The following CAST variants were observed in gnomAD, a reference collection of about 807,000 sequenced individuals.
CAST encodes the protein MIR583 host.
CAST carries 76 observed loss-of-function variants against 119.6 expected under a neutral mutation model. The observed-to-expected ratio is 0.64, with a 90% CI of 0.53 to 0.77. The LOEUF (loss-of-function observed/expected upper bound fraction) is 0.77, where lower values mean the gene tolerates loss of function less well. Ranked by LOEUF, CAST falls within the 30% of genes least tolerant of loss-of-function variation. The pLI is 0.00. For missense variants in CAST, 953 were observed against 946.5 expected (o/e 1.01, Z -0.09); for synonymous variants, 319 against 331.6 (o/e 0.96, Z 0.41).
chr5:96,684,733 T>C (rs1390044080), intron 2 of CAST, among the ~76,000 whole-genome samples: 1 of 152,012 alleles, frequency 6.6e-6, no homozygotes, highest in African/African-American at 2.4e-5. Context: ...CAAATAACTT[T>C]TTTAAAAAAT....
the CAST span, among the ~76,000 whole-genome samples, chr5:96,068,966 C>G: frequency 4.1e-5 from 6 of 147,552 alleles, no homozygotes; most frequent in Non-Finnish European, 7.4e-5. Flanking sequence ...AGGATGTATG[C>G]GTGTATGTAT....
At position 96,662,482 on chromosome 5, in the gene CAST, C is replaced by A; in HGVS notation, c.60C>A (p.Ala20=). 7.0e-7 allele frequency: 1 copy of A among 1,433,742 alleles called. No homozygotes were observed. The highest frequency in any genetic ancestry group is 9.1e-7 in the Non-Finnish European group (1 of 1,097,700). 88.8% of individuals were successfully genotyped at this position (1,433,742 alleles called of 1,614,324 possible). A position where few individuals can be genotyped will look rare whatever the true frequency, so the allele number is the denominator to read the frequency against. The change falls in exon 1 of 32, where the codon GCC becomes GCA. Residue 20 remains alanine, a synonymous_variant. Transcript: ENST00000675179. The part of the protein sequence containing the change: ...ASPRPRRAAA[A]RRTHEHVSEK... ...CGCGGCCCCGGCGAGCAGCCGCCGC[C>A]CGCCGCACCCATGAGGTGAGTGGCG...
the CAST span, among the ~76,000 whole-genome samples, chr5:96,450,020 T>A: frequency 6.6e-6 from 1 of 152,180 alleles, no homozygotes; most frequent in Non-Finnish European, 1.5e-5. Context: ...CTCAAAGAAC[T>A]AAAAATAGAA....
At chr5:96,245,001 A>T in the CAST span, among the ~76,000 whole-genome samples, 1 of 152,166 alleles carries the variant, frequency 6.6e-6, no homozygotes. Flanking sequence ...AGCAATTATA[A>T]CTATTCCTCT....
intron 25 of CAST, chr5:96,763,009 C>G: frequency 3.0e-6 from 2 of 663,690 alleles, no homozygotes; most frequent in South Asian, 3.3e-5. Flanking sequence ...TATACATTAC[C>G]AAGGAGACCA....
At chr5:96,086,273 A>G in the CAST span, among the ~76,000 whole-genome samples, 1 of 152,170 alleles carries the variant, frequency 6.6e-6, no homozygotes, top group Admixed American at 6.5e-5. Flanking sequence ...TGGAGGGCCC[A>G]TTTTAATAAA....
the CAST span, among the ~76,000 whole-genome samples, chr5:96,373,526 G>A: frequency 6.6e-6 from 1 of 152,154 alleles, no homozygotes; most frequent in Non-Finnish European, 1.5e-5. Context: ...CTGTTACTGA[G>A]GTGTAGGACT....
chr5:96,717,002 G>C (rs1424227724), intron 3 of CAST, among the ~76,000 whole-genome samples: 1 of 152,012 alleles, frequency 6.6e-6, no homozygotes, highest in Non-Finnish European at 1.5e-5. Flanking sequence ...CTTGATTCCA[G>C]CTTAAAAAAA....
At chr5:96,334,926 T>C in the CAST span, among the ~76,000 whole-genome samples, 28 of 152,326 alleles carry the variant, frequency 1.8e-4, no homozygotes, top group African/African-American at 6.7e-4. Flanking sequence ...GCCTTCCATT[T>C]CTTGCCTCAC....
intron 9 of CAST, among the ~76,000 whole-genome samples, chr5:96,731,568 T>G (rs1331118781): frequency 1.3e-5 from 2 of 150,568 alleles, no homozygotes; most frequent in Non-Finnish European, 3.0e-5. Context: ...TAGTTACATA[T>G]GTATACATGT....
chr5:96,461,059 T>C, the CAST span, among the ~76,000 whole-genome samples: 1 of 152,126 alleles, frequency 6.6e-6, no homozygotes, highest in Non-Finnish European at 1.5e-5. Context: ...GCAATACTAG[T>C]CTGCTTTCTG....
chr5:96,570,251 A>G (rs1357107362), intron 1 of CAST, among the ~76,000 whole-genome samples: 2 of 152,246 alleles, frequency 1.3e-5, no homozygotes, highest in Non-Finnish European at 2.9e-5. Flanking sequence ...AAAGATTTAT[A>G]AAATGAGTTT....
chr5:96,133,454 CT>C, the CAST span, among the ~76,000 whole-genome samples: 3 of 152,136 alleles, frequency 2.0e-5, no homozygotes, highest in Admixed American at 6.5e-5. Flanking sequence ...GGCTCTACCC[CT>C]GATTCACTGT....
the CAST span, among the ~76,000 whole-genome samples, chr5:96,272,658 A>T: frequency 6.6e-6 from 1 of 152,152 alleles, no homozygotes; most frequent in South Asian, 2.1e-4. Context: ...GCAGTTTGAT[A>T]GAAGAAATAA....
chr5:96,500,567 G>T, the CAST span, among the ~76,000 whole-genome samples: 2 of 152,092 alleles, frequency 1.3e-5, no homozygotes, highest in African/African-American at 2.4e-5. Flanking sequence ...CTTCAAGCTC[G>T]TTCCCTTATG....
At chr5:96,607,093 C>T (rs1302804931) in intron 1 of CAST, among the ~76,000 whole-genome samples, 1 of 152,114 alleles carries the variant, frequency 6.6e-6, no homozygotes, top group Non-Finnish European at 1.5e-5. Context: ...TCAAGACCAT[C>T]CTGGCTATCA....
At chr5:96,029,088 C>G in the CAST span, among the ~76,000 whole-genome samples, 152 of 152,140 alleles carry the variant, frequency 1.0e-3, no homozygotes, top group African/African-American at 3.5e-3. Flanking sequence ...CAGGATCTGG[C>G]CAAATGTGGA....
At chr5:96,606,640 G>A (rs1043422463) in intron 1 of CAST, among the ~76,000 whole-genome samples, 6 of 152,216 alleles carry the variant, frequency 3.9e-5, no homozygotes, top group Admixed American at 6.5e-5. Context: ...GAAAGAAGGA[G>A]AAATTTTACC....
chr5:96,430,729 T>C, the CAST span, among the ~76,000 whole-genome samples: 1 of 152,228 alleles, frequency 6.6e-6, no homozygotes, highest in Non-Finnish European at 1.5e-5. Context: ...GTTAAGTTTG[T>C]TTTAAAACTT....
Sources: gnomAD v4.1 joint callset for allele counts (sites outside exome capture counted in the v4.1 genomes callset) on GRCh38, gnomAD v4.1.1 for gene constraint, MANE v1.5 for transcripts, NCBI Gene and HGNC (gene_info 2026-07-23, HGNC 2026-07-21) for gene names.